The following SLC7A1 variants were observed in gnomAD, a reference collection of about 807,000 sequenced individuals.
SLC7A1 encodes the protein high affinity cationic amino acid transporter 1.
SLC7A1 carries 10 observed loss-of-function variants against 53.9 expected under a neutral mutation model. The observed-to-expected ratio is 0.19, with a 90% CI of 0.11 to 0.31. The LOEUF (loss-of-function observed/expected upper bound fraction) is 0.31. Among genes scored for constraint, SLC7A1 ranks in the 10% least tolerant of loss-of-function variants. The pLI, the probability that SLC7A1 is intolerant of heterozygous loss-of-function variation, is 1.00. For missense variants in SLC7A1, 525 were observed against 827.2 expected (o/e 0.63, Z 4.48); for synonymous variants, 342 against 338.7 (o/e 1.01, Z -0.11).
In SLC7A1 at chr13:29,536,125, T is replaced by G; in HGVS notation, c.64A>C (p.Ser22Arg). The G allele has an allele frequency of 6.2e-7, 1 of 1,614,040 alleles. No homozygotes were observed. Among genetic ancestry groups the G allele is most frequent in the Non-Finnish European group, 8.5e-7 (1 of 1,180,034 alleles). ...QMLRRKVVDC[S>R]REETRLSRCL... is the part of the protein sequence containing the mutation. ...CGAGACAGCCGCGTCTCCTCCCGGC[T>G]ACAGTCCACCACCTTCCGCCGCAGC... The change falls in exon 3 of 13, where the codon AGC (serine) becomes CGC (arginine). Residue 22 changes from serine to arginine, a missense_variant. By Grantham distance (110) the Ser-to-Arg change is moderately radical. Around this residue, in one of 4 missense-constraint regions of SLC7A1, gnomAD observed 354 missense variants for 587.5 expected, o/e 0.60. Coordinates refer to ENST00000380752, the MANE Select transcript of SLC7A1 (RefSeq NM_003045.5).
At chr13:29,566,306 C>A (rs1458887461) in intron 1 of SLC7A1, among the ~76,000 whole-genome samples, 1 of 152,190 alleles carries the variant, frequency 6.6e-6, no homozygotes, top group African/African-American at 2.4e-5. Context: ...AGCAAGTGTC[C>A]ACATGAAAAT....
chr13:29,581,217 C>T (rs1366842159), intron 1 of SLC7A1, among the ~76,000 whole-genome samples: 1 of 152,164 alleles, frequency 6.6e-6, no homozygotes, highest in Non-Finnish European at 1.5e-5. Flanking sequence ...ACCCTCGCTT[C>T]TCTCCCTGTG....
chr13:29,591,366 G>A (rs1401132011), intron 1 of SLC7A1, among the ~76,000 whole-genome samples: 2 of 152,168 alleles, frequency 1.3e-5, no homozygotes, highest in African/African-American at 4.8e-5. Flanking sequence ...CCCGTAAGTG[G>A]AACCCACTCT....
chr13:29,574,896 G>A (rs368331228), intron 1 of SLC7A1, among the ~76,000 whole-genome samples: 7 of 151,974 alleles, frequency 4.6e-5, no homozygotes, highest in African/African-American at 1.5e-4. Flanking sequence ...CACCTGCCTC[G>A]GCCTCCCAAA....
At chr13:29,522,273 C>G (rs749572486) in intron 8 of SLC7A1, 44 bp downstream of exon 8, 5 of 1,608,022 alleles carry the variant, frequency 3.1e-6, no homozygotes, top group Non-Finnish European at 4.3e-6. Context: ...AGTAATGACT[C>G]CATTGTTAAA....
At chr13:29,534,217 G>A (rs969422793) in intron 3 of SLC7A1, among the ~76,000 whole-genome samples, 1 of 152,166 alleles carries the variant, frequency 6.6e-6, no homozygotes, top group African/African-American at 2.4e-5. Flanking sequence ...TGGAAAAACT[G>A]CCCTTCCCAG....
At chr13:29,568,219 T>C (rs1375740107) in intron 1 of SLC7A1, among the ~76,000 whole-genome samples, 1 of 152,176 alleles carries the variant, frequency 6.6e-6, no homozygotes, top group Non-Finnish European at 1.5e-5. Flanking sequence ...CAGACCACAG[T>C]CTACCCCGTA....
chr13:29,536,681 GCAATAA>G (rs1415287540), intron 2 of SLC7A1, among the ~76,000 whole-genome samples: 32 of 152,152 alleles, frequency 2.1e-4, no homozygotes, highest in Admixed American at 2.1e-3. Context: ...GCCCTGAATG[GCAATAA>G]CAATGTTTTT....
chr13:29,568,842 G>T (rs1019464091), intron 1 of SLC7A1, among the ~76,000 whole-genome samples: 1 of 152,092 alleles, frequency 6.6e-6, no homozygotes, highest in East Asian at 1.9e-4. Context: ...GATCAAGTCC[G>T]TCCCTTTATT....
In SLC7A1 at chr13:29,523,467, T is replaced by C; in HGVS notation, c.848A>G (p.Gln283Arg). The C allele has an allele frequency of 6.2e-7, 1 of 1,613,888 alleles. No individual in the cohort carries two copies. ...ATTGEEVKNP[Q>R]KAIPVGIVAS... The stretch of plus-strand genomic sequence containing the variant: ...CACGATCCCCACGGGGATGGCCTTC[T>C]GTGGGTTCTTCACCTCTTCACCTAG... The change falls in exon 7 of 13, where the codon CAG (glutamine) becomes CGG (arginine). Residue 283 changes from glutamine to arginine, a missense_variant. By Grantham distance (43) the Gln-to-Arg change is conservative. Coordinates refer to ENST00000380752, the MANE Select transcript of SLC7A1 (RefSeq NM_003045.5).
At chr13:29,545,347 A>C (rs1869868631) in intron 2 of SLC7A1, among the ~76,000 whole-genome samples, 1 of 151,688 alleles carries the variant, frequency 6.6e-6, no homozygotes. Context: ...TATCGCCCCC[A>C]TGCCACTGTG....
chr13:29,583,480 T>A (rs1178870794), intron 1 of SLC7A1, among the ~76,000 whole-genome samples: 1 of 152,162 alleles, frequency 6.6e-6, no homozygotes, highest in Non-Finnish European at 1.5e-5. Flanking sequence ...CAGCTCTTAG[T>A]AGACTTCAAC....
chr13:29,551,973 C>G (rs1179394280), intron 2 of SLC7A1, among the ~76,000 whole-genome samples: 1 of 152,136 alleles, frequency 6.6e-6, no homozygotes, highest in African/African-American at 2.4e-5. Context: ...GAACTTGAAG[C>G]TTATGGGCAG....
chr13:29,590,298 G>A (rs987389201), intron 1 of SLC7A1, among the ~76,000 whole-genome samples: 10 of 152,130 alleles, frequency 6.6e-5, no homozygotes, highest in African/African-American at 1.4e-4. Context: ...CAAGGGCTTC[G>A]GAGTAATTTG....
At position 29,536,160 on chromosome 13, in the gene SLC7A1, C is replaced by T; in HGVS notation, c.29G>A (p.Gly10Glu). Residue 10 changes from glycine (G) to glutamate (E), a missense_variant, in exon 3 of 13, where the codon GGG becomes GAG. Gly to Glu is a moderately conservative substitution (Grantham distance 98). Coordinates refer to ENST00000380752, the MANE Select transcript of SLC7A1 (RefSeq NM_003045.5). ...CACCTTCCGCCGCAGCATCTGCTGC[C>T]CAATGTTGAGCAGGACTTTGCACCC... MGCKVLLNIGQQMLRRKVVD... is the reference protein window; with the variant it reads MGCKVLLNIEQQMLRRKVVD... The T allele has an allele frequency of 1.2e-6, 2 of 1,613,734 alleles. No individual in the cohort carries two copies. The highest frequency in any genetic ancestry group is 1.7e-6 in the Non-Finnish European group (2 of 1,179,850).
intron 1 of SLC7A1, among the ~76,000 whole-genome samples, chr13:29,574,938 G>A (rs116200927): frequency 0.012 from 1,806 of 152,214 alleles, 32 homozygotes; most frequent in African/African-American, 0.041. Flanking sequence ...GCCACCGTGC[G>A]TGGCCAGAGC....
chr13:29,541,522 G>A (rs1197832185), intron 2 of SLC7A1, among the ~76,000 whole-genome samples: 7 of 152,142 alleles, frequency 4.6e-5, no homozygotes, highest in Non-Finnish European at 8.8e-5. Context: ...CAATTTGGGC[G>A]TGAGGGGCAG....
chr13:29,556,825 A>C (rs1673148654), intron 1 of SLC7A1, among the ~76,000 whole-genome samples: 1 of 152,232 alleles, frequency 6.6e-6, no homozygotes, highest in Admixed American at 6.5e-5. Context: ...GCCCAGTGAA[A>C]TGAACACAGC....
rs2150687 is a variant in SLC7A1, at chr13:29,529,520, G to C, written c.704+1018C>G. Reference sequence around the variant, plus strand: ...CCTCTACGCTCTCTTTTCCCTTCTGGAAGAGCTGGGTCATGCTCGTGCCTA... The same window carrying C: ...CCTCTACGCTCTCTTTTCCCTTCTGCAAGAGCTGGGTCATGCTCGTGCCTA... On this transcript the variant is annotated intron_variant, in intron 5 of 12. Coordinates refer to ENST00000380752, the MANE Select transcript of SLC7A1 (RefSeq NM_003045.5). 9.9e-3 allele frequency among the ~76,000 whole-genome samples: 1,511 copies of C among 152,278 alleles called. 26 individuals carry two copies. Among genetic ancestry groups the C allele is most frequent in the African/African-American group, 0.034 (1,426 of 41,550 alleles).
Sources: gnomAD v4.1 joint callset for allele counts (sites outside exome capture counted in the v4.1 genomes callset) on GRCh38, gnomAD v4.1.1 for gene constraint, gnomAD v4.1.1 regional missense constraint, MANE v1.5 for transcripts, NCBI Gene and HGNC (gene_info 2026-07-23, HGNC 2026-07-21) for gene names.